ADAMTS20: variants seen among roughly 807,000 people sequenced by gnomAD.
The protein encoded by ADAMTS20 is A disintegrin and metalloproteinase with thrombospondin motifs 20.
Under a neutral mutation model 260.1 loss-of-function variants are expected in ADAMTS20, and 225 were observed. The observed-to-expected ratio is 0.87, with a 90% CI of 0.78 to 0.97. The LOEUF (loss-of-function observed/expected upper bound fraction) is 0.97, where lower values mean the gene tolerates loss of function less well. ADAMTS20 is among the 50% of genes least tolerant of loss of function. The probability of loss-of-function intolerance (pLI) is 0.00; values close to 1 mark genes in which losing one functional copy is unlikely to be tolerated. For synonymous variants in ADAMTS20, 802 were observed against 769.5 expected (o/e 1.04, Z -0.70); for missense variants, 2,400 against 2,337.7 (o/e 1.03, Z -0.55).
chr12:43,384,115 C>CA (rs1940419218), intron 29 of ADAMTS20, 138 bp from the exon 30 acceptor site: 2 of 830,546 alleles, frequency 2.4e-6, no homozygotes, highest in Non-Finnish European at 3.5e-6. Context: ...AAAATACATA[C>CA]AATAAGTATT....
intron 28 of ADAMTS20, among the ~76,000 whole-genome samples, chr12:43,401,471 C>T (rs1403324010): frequency 6.6e-6 from 1 of 151,820 alleles, no homozygotes; most frequent in African/African-American, 2.4e-5. Flanking sequence ...AATACATTTC[C>T]TCTATAAGCA....
intron 4 of ADAMTS20, among the ~76,000 whole-genome samples, chr12:43,497,739 C>A (rs1450721459): frequency 6.6e-6 from 1 of 151,918 alleles, no homozygotes; most frequent in Non-Finnish European, 1.5e-5. Context: ...CAATGTAATG[C>A]AAATGAGGGT....
At chr12:43,437,229 G>A (rs1329520612) in intron 18 of ADAMTS20, among the ~76,000 whole-genome samples, 1 of 152,156 alleles carries the variant, frequency 6.6e-6, no homozygotes, top group African/African-American at 2.4e-5. Flanking sequence ...AAGATGTTAT[G>A]AGAAGAAACA....
At chr12:43,375,985 C>T (rs1353445475) in intron 35 of ADAMTS20, 72 bp downstream of exon 35, 3 of 1,148,764 alleles carry the variant, frequency 2.6e-6, no homozygotes, top group Non-Finnish European at 3.7e-6. Context: ...AAGTATCACT[C>T]TGAGGGCTAG....
chr12:43,383,502 A>C, intron 31 of ADAMTS20, 56 bp downstream of exon 31: 1 of 1,505,928 alleles, frequency 6.6e-7, no homozygotes, highest in Non-Finnish European at 8.9e-7. Flanking sequence ...GTCAAATTGT[A>C]GATCCAGCTG....
At position 43,551,765 on chromosome 12, in the gene ADAMTS20, C is replaced by T; in HGVS notation, c.91+66G>A. ...CGGGCTGAGCCGCTCGTCCCCGCGA[C>T]CTGCATGTCCCACTCGGGCCCCGCG... On this transcript the variant is annotated intron_variant, in intron 1 of 38. Transcript: ENST00000389420. The surrounding 1 kb of genome is among the most constrained non-coding windows in gnomAD (Gnocchi z 4.6). 2 of 1,522,252 alleles carry T rather than the reference C, an allele frequency of 1.3e-6. No individual in the cohort carries two copies. The highest frequency in any genetic ancestry group is 3.4e-5 in the Admixed American group (2 of 59,662). 94.3% of individuals were successfully genotyped at this position (1,522,252 alleles called of 1,614,324 possible).
At chr12:43,410,592 A>G (rs1383713369) in intron 28 of ADAMTS20, among the ~76,000 whole-genome samples, 2 of 152,248 alleles carry the variant, frequency 1.3e-5, no homozygotes, top group Non-Finnish European at 2.9e-5. Flanking sequence ...AAAGGGAGTC[A>G]ATAGGTAAAT....
At position 43,354,309 on chromosome 12, in the gene ADAMTS20, G is replaced by T; in HGVS notation, c.5644-11C>A. On this transcript the variant is annotated splice_polypyrimidine_tract_variant and intron_variant, in intron 38 of 38. Transcript: ENST00000389420. ...AAATCTAGTTCCATCCTGAAAATCG[G>T]AAGAAGAAATACAGAAGAATCTTAT... is the stretch of plus-strand genomic sequence containing the variant. The T allele has an allele frequency of 6.4e-7, 1 of 1,565,410 alleles. No homozygotes were observed. The highest frequency in any genetic ancestry group is 1.2e-5 in the South Asian group (1 of 85,318).
intron 28 of ADAMTS20, among the ~76,000 whole-genome samples, chr12:43,406,248 T>C (rs1940917457): frequency 6.6e-6 from 1 of 152,084 alleles, no homozygotes; most frequent in Non-Finnish European, 1.5e-5. Flanking sequence ...TCTTTAGTCT[T>C]TGGCAATTCC....
chr12:43,428,135 A>G, intron 26 of ADAMTS20, 106 bp downstream of exon 26: 1 of 1,158,758 alleles, frequency 8.6e-7, no homozygotes, highest in East Asian at 2.4e-5. Flanking sequence ...TTGATCTTGA[A>G]ATAAATTTAG....
At chr12:43,535,441 A>G (rs1278529029) in intron 2 of ADAMTS20, among the ~76,000 whole-genome samples, 2 of 152,166 alleles carry the variant, frequency 1.3e-5, no homozygotes, top group Admixed American at 6.5e-5. Flanking sequence ...TGAGAAAAAA[A>G]ATTACATCCT....
At chr12:43,364,916 T>C (rs1466545981) in intron 37 of ADAMTS20, among the ~76,000 whole-genome samples, 1 of 151,958 alleles carries the variant, frequency 6.6e-6, no homozygotes, top group Non-Finnish European at 1.5e-5. Flanking sequence ...AGAAGCTTAG[T>C]GGACTCCAAG....
intron 29 of ADAMTS20, among the ~76,000 whole-genome samples, chr12:43,388,794 A>T (rs1363465024): frequency 6.6e-6 from 1 of 152,182 alleles, no homozygotes; most frequent in African/African-American, 2.4e-5. Context: ...AATGTCTCAC[A>T]CACCAGAAAT....
At chr12:43,461,076 C>T (rs962873588) in intron 11 of ADAMTS20, among the ~76,000 whole-genome samples, 8 of 145,936 alleles carry the variant, frequency 5.5e-5, no homozygotes, top group African/African-American at 1.5e-4. Flanking sequence ...CTGCAACCTC[C>T]GCCTCCCAGG....
rs766486288 is a variant in ADAMTS20, at chr12:43,502,154, T to C, written c.865A>G (p.Ile289Val). The change falls in exon 4 of 39, where the codon ATT (isoleucine) becomes GTT (valine). Residue 289 changes from isoleucine to valine, a missense_variant and splice_region_variant. Transcript: ENST00000389420. ...LQNYILTLMS[I>V]VATIYKDPSI... ...AAAGTCATATTAAGTTTACTTACAA[T>C]TGACATTAGAGTCAGTATATAGTTT... 25 of 1,551,644 alleles carry C rather than the reference T, an allele frequency of 1.6e-5. No homozygotes were observed. The East Asian group carries it at 5.7e-4, about 35-fold the overall frequency.
intron 9 of ADAMTS20, 111 bp downstream of exon 9, chr12:43,466,541 C>T: frequency 1.0e-6 from 1 of 980,102 alleles, no homozygotes; most frequent in Non-Finnish European, 1.5e-6. Flanking sequence ...TGAAAGTAAA[C>T]ATAAATTTAA....
chr12:43,420,831 G>A (rs1941217520), intron 28 of ADAMTS20, among the ~76,000 whole-genome samples: 1 of 46,346 alleles, frequency 2.2e-5, no homozygotes, highest in Non-Finnish European at 3.8e-5. Flanking sequence ...TTTTTGAGAT[G>A]GGGTCTCGGT....
intron 11 of ADAMTS20, among the ~76,000 whole-genome samples, chr12:43,454,805 G>T (rs934969959): frequency 6.6e-6 from 1 of 152,160 alleles, no homozygotes; most frequent in African/African-American, 2.4e-5. Context: ...CAACTTGAGA[G>T]TAAGCATTAA....
At chr12:43,396,178 C>T (rs1383275215) in intron 29 of ADAMTS20, among the ~76,000 whole-genome samples, 1 of 151,914 alleles carries the variant, frequency 6.6e-6, no homozygotes, top group Non-Finnish European at 1.5e-5. Flanking sequence ...TAGCAACAGT[C>T]ATTAAAATGC....
Sources: allele counts gnomAD v4.1 joint callset (sites outside exome capture counted in the v4.1 genomes callset), GRCh38; gene constraint gnomAD v4.1.1; non-coding constraint Gnocchi (gnomAD v3.1); transcripts MANE v1.5; gene names NCBI Gene and HGNC (gene_info 2026-07-23, HGNC 2026-07-21).